Variants in MPRIP observed in about 807,000 individuals in gnomAD.
MPRIP encodes the protein myosin phosphatase Rho-interacting protein.
In MPRIP, 59 loss-of-function variants were observed where a neutral mutation model predicts 234.9. That is an observed-to-expected ratio of 0.25 (90% confidence interval 0.20 to 0.31). The LOEUF is 0.31. Among genes scored for constraint, MPRIP ranks in the 10% least tolerant of loss-of-function variants. The pLI is 1.00. For missense variants in MPRIP, 2,436 were observed against 3,071.0 expected (o/e 0.79, Z 4.89); for synonymous variants, 1,144 against 1,263.9 (o/e 0.91, Z 2.01).
In MPRIP at chr17:17,192,240, C is replaced by T. The variant is rs2046602117; in HGVS notation, c.*7346C>T. On this transcript the variant is annotated 3_prime_UTR_variant, in exon 24 of 24. Coordinates refer to ENST00000651222, the MANE Select transcript of MPRIP (RefSeq NM_001364716.4). ...CTGGTGTTTCATTTCTGTTCTAATG[C>T]TAAGTGGTAACGCTTAACAAACAGA... is the stretch of plus-strand genomic sequence containing the variant. 6.6e-6 allele frequency: 1 copy of T among 152,122 alleles called. No homozygotes were observed. The highest frequency in any genetic ancestry group is 6.5e-5 in the Admixed American group (1 of 15,270). 9.4% of individuals were successfully genotyped at this position (152,122 alleles called of 1,614,324 possible).
chr17:17,113,292 T>G (rs1385269359), intron 3 of MPRIP, among the ~76,000 whole-genome samples: 2 of 152,234 alleles, frequency 1.3e-5, no homozygotes, highest in Non-Finnish European at 2.9e-5. Context: ...ACAGAATTTT[T>G]GAAAAGAAAT....
chr17:17,125,664 G>A (rs1297650836), intron 3 of MPRIP, among the ~76,000 whole-genome samples: 1 of 152,250 alleles, frequency 6.6e-6, no homozygotes, highest in Non-Finnish European at 1.5e-5. Context: ...ACCAGACCCA[G>A]CATCCTGCTC....
At chr17:17,171,566 C>A in intron 16 of MPRIP, 152 bp from the exon 17 acceptor site, 2 of 893,086 alleles carry the variant, frequency 2.2e-6, no homozygotes, top group South Asian at 1.7e-5. Flanking sequence ...CCCCAGGGAT[C>A]CTGTTCAGGG....
chr17:17,184,700 G>C (rs927931807), intron 23 of MPRIP, 123 bp from the exon 24 acceptor site: 37 of 647,798 alleles, frequency 5.7e-5, no homozygotes, highest in South Asian at 5.0e-4. Context: ...CCCACTAACC[G>C]CACCTGCACC....
At chr17:17,149,133 G>GT (rs2045541143) in intron 11 of MPRIP, among the ~76,000 whole-genome samples, 1 of 152,208 alleles carries the variant, frequency 6.6e-6, no homozygotes, top group Non-Finnish European at 1.5e-5. Context: ...CCACATTGCA[G>GT]TTAACCTTTA....
At chr17:17,089,875 T>C (rs527446430) in intron 3 of MPRIP, among the ~76,000 whole-genome samples, 2 of 152,146 alleles carry the variant, frequency 1.3e-5, no homozygotes, top group Non-Finnish European at 2.9e-5. Context: ...TTGGGGGCGA[T>C]GGAGAAGTGG....
At chr17:17,174,727 G>A (rs1597512144) in intron 19 of MPRIP, among the ~76,000 whole-genome samples, 1 of 151,924 alleles carries the variant, frequency 6.6e-6, no homozygotes, top group East Asian at 1.9e-4. Flanking sequence ...CCCATCTACT[G>A]GGAAGGCTGA....
In MPRIP at chr17:17,158,742, T is replaced by G. The variant is rs1457908349; in HGVS notation, c.2140T>G (p.Phe714Val). Residue 714 changes from phenylalanine to valine, a missense_variant, in exon 14 of 24, where the codon TTC (phenylalanine) becomes GTC (valine). Coordinates refer to ENST00000651222, the MANE Select transcript of MPRIP (RefSeq NM_001364716.4). The stretch of plus-strand genomic sequence containing the variant: ...GAGGCGGGAGGAGCGCCGCAAGCGC[T>G]TCGGGATGCTCGACGCCACAGACGG... The part of the protein sequence containing the change: ...ARRREERRKR[F>V]GMLDATDGPG... The G allele has an allele frequency of 6.2e-7, 1 of 1,611,178 alleles. No individual in the cohort carries two copies. The highest frequency in any genetic ancestry group is 2.2e-5 in the East Asian group (1 of 44,872).
intron 1 of MPRIP, 142 bp downstream of exon 1, chr17:17,043,113 T>C: frequency 1.3e-6 from 1 of 787,470 alleles, no homozygotes; most frequent in Non-Finnish European, 2.0e-6. Context: ...GGACGGGAAG[T>C]GCATTGACAG....
chr17:17,080,340 A>G (rs923948202), intron 3 of MPRIP, among the ~76,000 whole-genome samples: 2 of 152,254 alleles, frequency 1.3e-5, no homozygotes, highest in Non-Finnish European at 2.9e-5. Context: ...GTGAGCAGAC[A>G]GCCTGTAGCC....
chr17:17,082,980 C>G (rs546108591), intron 3 of MPRIP, among the ~76,000 whole-genome samples: 1 of 152,356 alleles, frequency 6.6e-6, no homozygotes, highest in Non-Finnish European at 1.5e-5. Context: ...TGGACCATGT[C>G]TGCTGACCCC....
chr17:17,145,822 G>A (rs2045450594), intron 9 of MPRIP, among the ~76,000 whole-genome samples: 1 of 152,208 alleles, frequency 6.6e-6, no homozygotes, highest in African/African-American at 2.4e-5. Context: ...AGCCTGCCAA[G>A]CCCAGCATCT....
At chr17:17,126,140 G>T (rs562318018) in intron 3 of MPRIP, among the ~76,000 whole-genome samples, 32 of 152,282 alleles carry the variant, frequency 2.1e-4, no homozygotes, top group African/African-American at 7.7e-4. Context: ...GTTACTGTTT[G>T]CCATGCCAGA....
chr17:17,095,861 C>T (rs753595513), intron 3 of MPRIP, among the ~76,000 whole-genome samples: 3 of 152,178 alleles, frequency 2.0e-5, no homozygotes, highest in Non-Finnish European at 4.4e-5. Flanking sequence ...CTCCTCCTAG[C>T]TGTCCTCAGG....
chr17:17,042,860 C>G lies in MPRIP; in HGVS notation c.12C>G (p.Ala4=), dbSNP rs1233230814. 1 of 1,585,602 alleles carries G rather than the reference C, an allele frequency of 6.3e-7. No individual in the cohort carries two copies. Among genetic ancestry groups the G allele is most frequent in the Admixed American group, 1.7e-5 (1 of 57,216 alleles). Reference sequence around the variant, plus strand: ...CCGCCGCGCCGACCATGTCGGCAGCCAAGGAGAACCCGTGCAGGAAATTCC... The same window carrying G: ...CCGCCGCGCCGACCATGTCGGCAGCGAAGGAGAACCCGTGCAGGAAATTCC... MSA[A]KENPCRKFQA... Residue 4 remains alanine, a synonymous_variant, in exon 1 of 24, where the codon GCC becomes GCG. Transcript: ENST00000651222.
intron 3 of MPRIP, among the ~76,000 whole-genome samples, chr17:17,091,905 C>A (rs1323273339): frequency 6.6e-6 from 1 of 152,190 alleles, no homozygotes; most frequent in African/African-American, 2.4e-5. Context: ...CTCCAGTGGA[C>A]CTGGCAGCAT....
intron 3 of MPRIP, among the ~76,000 whole-genome samples, chr17:17,112,674 G>A (rs1428152948): frequency 6.6e-6 from 1 of 152,220 alleles, no homozygotes; most frequent in Non-Finnish European, 1.5e-5. Context: ...GCCCCTTTAA[G>A]GGGAGCCCAG....
intron 1 of MPRIP, among the ~76,000 whole-genome samples, chr17:17,062,694 T>G (rs2088903097): frequency 6.6e-6 from 1 of 152,260 alleles, no homozygotes; most frequent in Non-Finnish European, 1.5e-5. Context: ...CTTGAATCCT[T>G]GTCCTCGCTG....
chr17:17,154,303 T>C lies in MPRIP; in HGVS notation c.1720-3T>C. The C allele has an allele frequency of 6.2e-7, 1 of 1,612,314 alleles. No homozygotes were observed. The highest frequency in any genetic ancestry group is 1.1e-5 in the South Asian group (1 of 91,046). ...CTGATGGTGCCTCATCTTTTCTCTG[T>C]AGACAAAGGAGGGCGAGTTTACCCT... On this transcript the variant is annotated splice_region_variant and splice_polypyrimidine_tract_variant and intron_variant, in intron 12 of 23. Coordinates refer to ENST00000651222, the MANE Select transcript of MPRIP (RefSeq NM_001364716.4).
Sources: allele counts gnomAD v4.1 joint callset (sites outside exome capture counted in the v4.1 genomes callset), GRCh38; gene constraint gnomAD v4.1.1; transcripts MANE v1.5; gene names NCBI Gene and HGNC (gene_info 2026-07-23, HGNC 2026-07-21).